LARGE1: variants seen among roughly 807,000 people sequenced by gnomAD.
The protein encoded by LARGE1 is LARGE xylosyl- and glucuronyltransferase 1.
Under a neutral mutation model 87.6 loss-of-function variants are expected in LARGE1, and 43 were observed. The observed-to-expected ratio is 0.49, with a 90% CI of 0.38 to 0.63. The LOEUF (loss-of-function observed/expected upper bound fraction) is 0.63. Ranked by LOEUF, LARGE1 falls within the 30% of genes least tolerant of loss-of-function variation. The pLI is 0.00. For missense variants in LARGE1, 802 were observed against 1,000.2 expected (o/e 0.80, Z 2.67); for synonymous variants, 434 against 394.6 (o/e 1.10, Z -1.18).
intron 2 of LARGE1, among the ~76,000 whole-genome samples, chr22:33,677,288 TAA>T (rs779032764): frequency 0.022 from 2,463 of 110,056 alleles, 35 homozygotes; most frequent in Middle Eastern, 0.067. Context: ...TTTCAGGAGT[TAA>T]AAAAAAAAAA....
At chr22:33,891,004 G>A (rs2146830409) in intron 1 of LARGE1, among the ~76,000 whole-genome samples, 2 of 151,800 alleles carry the variant, frequency 1.3e-5, no homozygotes, top group Admixed American at 1.3e-4. Context: ...AGCTACCCTG[G>A]GCTCCATATG....
At chr22:33,140,808 T>A in the LARGE1 span, among the ~76,000 whole-genome samples, 2 of 152,192 alleles carry the variant, frequency 1.3e-5, no homozygotes, top group Non-Finnish European at 2.9e-5. Context: ...GCTCCTCAGC[T>A]TGCAGACGGC....
chr22:33,257,888 TGA>T (rs753196740), intron 11 of LARGE1, among the ~76,000 whole-genome samples: 4 of 152,024 alleles, frequency 2.6e-5, no homozygotes, highest in Non-Finnish European at 5.9e-5. Flanking sequence ...GTCACAGCCT[TGA>T]GAGAGAGGTA....
intron 4 of LARGE1, among the ~76,000 whole-genome samples, chr22:33,610,311 A>G (rs2079389821): frequency 1.3e-5 from 2 of 152,214 alleles, no homozygotes; most frequent in Non-Finnish European, 2.9e-5. Context: ...AAATGCAGAT[A>G]GTGATAAGGA....
At chr22:33,534,682 C>T (rs912400376) in intron 6 of LARGE1, among the ~76,000 whole-genome samples, 2 of 152,142 alleles carry the variant, frequency 1.3e-5, no homozygotes, top group Non-Finnish European at 2.9e-5. Flanking sequence ...GCCTCCGAGG[C>T]GGGGCTGCCC....
intron 4 of LARGE1, among the ~76,000 whole-genome samples, chr22:33,609,750 C>T (rs998717836): frequency 6.6e-6 from 1 of 151,908 alleles, no homozygotes; most frequent in African/African-American, 2.4e-5. Flanking sequence ...GGAGGTGAGG[C>T]CTGATGGTTA....
chr22:33,708,923 C>G (rs1357221011), intron 2 of LARGE1, among the ~76,000 whole-genome samples: 1 of 152,178 alleles, frequency 6.6e-6, no homozygotes, highest in South Asian at 2.1e-4. Context: ...TCTGCGGCCT[C>G]TCCTTGGCCT....
chr22:33,149,040 C>CTTT, the LARGE1 span, among the ~76,000 whole-genome samples: 1 of 136,928 alleles, frequency 7.3e-6, no homozygotes, highest in East Asian at 2.1e-4. Flanking sequence ...TTCTTTTTTT[C>CTTT]TTTTTTTTTT....
intron 11 of LARGE1, among the ~76,000 whole-genome samples, chr22:33,242,872 G>C (rs1447290237): frequency 6.6e-6 from 1 of 152,170 alleles, no homozygotes; most frequent in Non-Finnish European, 1.5e-5. Context: ...ACCAGCTTCT[G>C]GTGGTTTGCT....
chr22:33,582,292 T>C (rs908678069), intron 5 of LARGE1, among the ~76,000 whole-genome samples: 1 of 151,820 alleles, frequency 6.6e-6, no homozygotes. Flanking sequence ...CAGAAAAAAA[T>C]GGATGTGGAT....
chr22:33,654,968 C>T (rs371060681), intron 2 of LARGE1, among the ~76,000 whole-genome samples: 3 of 152,160 alleles, frequency 2.0e-5, no homozygotes, highest in Admixed American at 1.3e-4. Flanking sequence ...GTCTACACTA[C>T]GTTAATCAAG....
At position 33,493,301 on chromosome 22, in the gene LARGE1, C is replaced by T. The variant is rs536375807; in HGVS notation, c.788-61036G>A. On this transcript the variant is annotated intron_variant, in intron 6 of 14. Coordinates refer to ENST00000397394, the MANE Select transcript of LARGE1 (RefSeq NM_133642.5). ...TCAGCCTCCCTAGCAGCTGGGATTA[C>T]AGGCGCGCGCCACTATGTCCAGCTA... is the stretch of plus-strand genomic sequence containing the variant. 3.9e-5 allele frequency among the ~76,000 whole-genome samples: 6 copies of T among 151,954 alleles called. No homozygotes were observed. The East Asian group carries it at 9.7e-4, about 25-fold the overall frequency.
At chr22:33,122,003 G>A in the LARGE1 span, among the ~76,000 whole-genome samples, 1 of 152,136 alleles carries the variant, frequency 6.6e-6, no homozygotes, top group South Asian at 2.1e-4. Context: ...TGACACGTGG[G>A]AATTATGGGA....
At chr22:33,856,010 G>A (rs1010018883) in intron 1 of LARGE1, among the ~76,000 whole-genome samples, 6 of 152,210 alleles carry the variant, frequency 3.9e-5, no homozygotes, top group Admixed American at 1.3e-4. Context: ...CCGCACCTCT[G>A]TGCTGCTTAC....
At chr22:33,701,071 T>C (rs1293220088) in intron 2 of LARGE1, among the ~76,000 whole-genome samples, 1 of 152,148 alleles carries the variant, frequency 6.6e-6, no homozygotes, top group Non-Finnish European at 1.5e-5. Flanking sequence ...CCTGCAGTTG[T>C]GTCTTCTTGA....
At chr22:33,670,107 T>C (rs1326700827) in intron 2 of LARGE1, among the ~76,000 whole-genome samples, 2 of 152,150 alleles carry the variant, frequency 1.3e-5, no homozygotes, top group Non-Finnish European at 1.5e-5. Context: ...TTTATTTGAT[T>C]TTCTCCAGCC....
intron 9 of LARGE1, 115 bp from the exon 10 acceptor site, chr22:33,337,916 T>G: frequency 4.3e-6 from 5 of 1,152,898 alleles, no homozygotes; most frequent in Non-Finnish European, 6.3e-6. Context: ...GGTCTGCTCA[T>G]TCGCTCATTC....
At chr22:33,106,932 A>G in the LARGE1 span, among the ~76,000 whole-genome samples, 1 of 152,238 alleles carries the variant, frequency 6.6e-6, no homozygotes, top group Non-Finnish European at 1.5e-5. Flanking sequence ...CCTTCTTCAG[A>G]TGATCTAACA....
the LARGE1 span, among the ~76,000 whole-genome samples, chr22:33,096,015 T>G: frequency 6.6e-6 from 1 of 152,226 alleles, no homozygotes; most frequent in Non-Finnish European, 1.5e-5. Flanking sequence ...GTGGGGATTT[T>G]ACTTCCTGCG....
Sources: allele counts gnomAD v4.1 joint callset (sites outside exome capture counted in the v4.1 genomes callset), GRCh38; gene constraint gnomAD v4.1.1; transcripts MANE v1.5; gene names NCBI Gene and HGNC (gene_info 2026-07-23, HGNC 2026-07-21).